PCDHGB1: variants seen among roughly 807,000 people sequenced by gnomAD.
The protein encoded by PCDHGB1 is protocadherin gamma subfamily B, 1.
A neutral mutation model predicts 56.6 loss-of-function variants in PCDHGB1; 34 were observed. That is an observed-to-expected ratio of 0.60 (90% CI 0.46 to 0.80). PCDHGB1 has a LOEUF of 0.80. Ranked by LOEUF, PCDHGB1 falls within the 30% of genes least tolerant of loss-of-function variation. The pLI is 0.00. For synonymous variants in PCDHGB1, 561 were observed against 505.9 expected (o/e 1.11, Z -1.46); for missense variants, 1,278 against 1,204.6 (o/e 1.06, Z -0.90).
chr5:141,489,894 G>T lies in PCDHGB1; in HGVS notation c.2410-4913G>T. 1.2e-6 allele frequency: 2 copies of T among 1,614,204 alleles called. No homozygotes were observed. Among genetic ancestry groups the T allele is most frequent in the Non-Finnish European group, 1.7e-6 (2 of 1,180,028 alleles). The stretch of plus-strand genomic sequence containing the variant: ...TGGTGCTTACTGCTGTGGATGGGGG[G>T]ACCCCAGCCCGCTCAGGGACCACCC... On this transcript the variant is annotated intron_variant, in intron 1 of 3. Transcript: ENST00000523390. The surrounding 1 kb of genome is among the most constrained non-coding windows in gnomAD (Gnocchi z 4.5).
chr5:141,451,521 TAAAGG>T (rs1187561043), intron 1 of PCDHGB1, among the ~76,000 whole-genome samples: 1 of 152,148 alleles, frequency 6.6e-6, no homozygotes, highest in Non-Finnish European at 1.5e-5. Context: ...TTAGAGCAAG[TAAAGG>T]AGAGTGCCAG....
chr5:141,376,034 C>T, intron 1 of PCDHGB1: 1 of 1,613,128 alleles, frequency 6.2e-7, no homozygotes, highest in South Asian at 1.1e-5. Context: ...GGACCACGGC[C>T]AGCCCCCTCT....
intron 2 of PCDHGB1, among the ~76,000 whole-genome samples, chr5:141,503,340 T>A (rs1394172617): frequency 6.6e-6 from 1 of 152,064 alleles, no homozygotes; most frequent in African/African-American, 2.4e-5. Flanking sequence ...CTCACGCCTG[T>A]AATTCCAGCA....
chr5:141,383,378 CAG>C (rs1561596110), intron 1 of PCDHGB1: 1 of 1,614,002 alleles, frequency 6.2e-7, no homozygotes, highest in Non-Finnish European at 8.5e-7. Flanking sequence ...GCTGGGGATC[CAG>C]ATGTGGGCAC....
At position 141,477,020 on chromosome 5, in the gene PCDHGB1, G is replaced by A; in HGVS notation, c.2410-17787G>A. The A allele has an allele frequency of 6.2e-7, 1 of 1,614,224 alleles. No individual in the cohort carries two copies. Among genetic ancestry groups the A allele is most frequent in the Non-Finnish European group, 8.5e-7 (1 of 1,180,048 alleles). ...ACTATTCGCCTTAGACCTTGTAACC[G>A]GGATGCTGACAATCAAGGGTCGGCT... On this transcript the variant is annotated intron_variant, in intron 1 of 3. Transcript: ENST00000523390. This position sits in a 1 kb window ranked among gnomAD's most constrained non-coding sequence, Gnocchi z 4.9.
At chr5:141,407,032 CAT>C (rs2094880022) in intron 1 of PCDHGB1, among the ~76,000 whole-genome samples, 1 of 152,174 alleles carries the variant, frequency 6.6e-6, no homozygotes, top group African/African-American at 2.4e-5. Flanking sequence ...CTATGCTAAA[CAT>C]GTGATCCATA....
At chr5:141,403,507 A>G (rs373170550) in intron 1 of PCDHGB1, 1 of 1,614,006 alleles carries the variant, frequency 6.2e-7, no homozygotes, top group Non-Finnish European at 8.5e-7. Context: ...TGCAGACTGG[A>G]GACAATGGAG....
At position 141,486,931 on chromosome 5, in the gene PCDHGB1, T is replaced by C. The variant is rs201042803; in HGVS notation, c.2410-7876T>C. 2 of 1,614,258 alleles carry C rather than the reference T, an allele frequency of 1.2e-6. No homozygotes were observed. Among genetic ancestry groups the C allele is most frequent in the East Asian group, 2.2e-5 (1 of 44,876 alleles). ...AAGCACTGCCTCCATCAGTTGGTGC[T>C]GGCCACCTAATCACAAAGGTGACTG... On this transcript the variant is annotated intron_variant, in intron 1 of 3. Coordinates refer to ENST00000523390, the MANE Select transcript of PCDHGB1 (RefSeq NM_018922.3). This position sits in a 1 kb window ranked among gnomAD's most constrained non-coding sequence, Gnocchi z 5.0.
chr5:141,410,333 A>G lies in PCDHGB1; in HGVS notation c.2409+57664A>G, dbSNP rs774436706. 4.7e-5 allele frequency: 76 copies of G among 1,613,666 alleles called. No individual in the cohort carries two copies. Among genetic ancestry groups the G allele is most frequent in the Non-Finnish European group, 4.0e-5 (47 of 1,179,884 alleles). ...CTTCCTCCTCGCCGTGATTCTGGCC[A>G]TTGCCTTGCGCCTGCGACGCTCTCT... On this transcript the variant is annotated intron_variant, in intron 1 of 3. Transcript: ENST00000523390.
chr5:141,352,858 C>A (rs889457507), intron 1 of PCDHGB1, among the ~76,000 whole-genome samples, 189 bp downstream of exon 1: 4 of 152,006 alleles, frequency 2.6e-5, no homozygotes, highest in African/African-American at 7.2e-5. Context: ...TGTGGTGGCA[C>A]GCGCCTGTAG....
intron 1 of PCDHGB1, chr5:141,392,821 C>G: frequency 6.3e-7 from 1 of 1,594,632 alleles, no homozygotes; most frequent in Non-Finnish European, 8.5e-7. Context: ...ACAATGGCCG[C>G]TCCACAGAGT....
chr5:141,372,932 G>A (rs3806834), intron 1 of PCDHGB1: 35,987 of 882,390 alleles, frequency 0.041, 1,563 homozygotes, highest in Admixed American at 0.21. Flanking sequence ...TTCTGGTGTA[G>A]AGTAGGGTGT....
chr5:141,399,330 A>T, intron 1 of PCDHGB1: 1 of 1,613,994 alleles, frequency 6.2e-7, no homozygotes, highest in Non-Finnish European at 8.5e-7. Flanking sequence ...ATAAGTTGGT[A>T]ACAGATGGAA....
intron 1 of PCDHGB1, among the ~76,000 whole-genome samples, chr5:141,359,622 A>G (rs1307246669): frequency 6.6e-6 from 1 of 152,032 alleles, no homozygotes; most frequent in East Asian, 1.9e-4. Context: ...GGTATGTTGT[A>G]TGCTTACATT....
rs914637211 is a variant in PCDHGB1, at chr5:141,422,245, G to C, written c.2409+69576G>C. The C allele has an allele frequency of 2.2e-5, 34 of 1,566,540 alleles. No individual in the cohort carries two copies. Among genetic ancestry groups the C allele is most frequent in the Non-Finnish European group, 2.8e-5 (32 of 1,162,588 alleles). On this transcript the variant is annotated intron_variant, in intron 1 of 3. Coordinates refer to ENST00000523390, the MANE Select transcript of PCDHGB1 (RefSeq NM_018922.3). ...CACGACGATGTTGATCACTGTTGTG[G>C]ATGTGAATGATAACGCTCCAGAAAT...
At chr5:141,415,394 C>A (rs893251079) in intron 1 of PCDHGB1, 29 of 1,614,110 alleles carry the variant, frequency 1.8e-5, no homozygotes, top group Non-Finnish European at 2.3e-5. Context: ...ACAGGTGTGT[C>A]CGGCTCGCAC....
At chr5:141,404,328 T>G (rs1300173055) in intron 1 of PCDHGB1, 3 of 1,613,902 alleles carry the variant, frequency 1.9e-6, no homozygotes, top group Non-Finnish European at 2.5e-6. Flanking sequence ...TCCTACTCAG[T>G]CTACCTCCCG....
At chr5:141,395,085 T>C (rs2093165281) in intron 1 of PCDHGB1, 1 of 1,614,026 alleles carries the variant, frequency 6.2e-7, no homozygotes, top group South Asian at 1.1e-5. Flanking sequence ...CCAGGAAGTC[T>C]CCCTCACCGC....
intron 2 of PCDHGB1, among the ~76,000 whole-genome samples, chr5:141,497,293 C>T (rs1270907262): frequency 6.6e-6 from 1 of 152,136 alleles, no homozygotes. Flanking sequence ...TACCTACCAC[C>T]ACCCCAGGCC....
Sources: gnomAD v4.1 joint callset for allele counts (sites outside exome capture counted in the v4.1 genomes callset) on GRCh38, gnomAD v4.1.1 for gene constraint, Gnocchi (gnomAD v3.1) non-coding constraint, MANE v1.5 for transcripts, NCBI Gene and HGNC (gene_info 2026-07-23, HGNC 2026-07-21) for gene names.